The following FGD6 variants were observed in gnomAD, a reference collection of about 807,000 sequenced individuals.
FGD6 encodes FYVE, RhoGEF and PH domain containing 6.
Under a neutral mutation model 149.4 loss-of-function variants are expected in FGD6, and 90 were observed. That is an observed-to-expected ratio of 0.60 (90% confidence interval 0.51 to 0.72). The LOEUF (loss-of-function observed/expected upper bound fraction) is 0.72, where lower values mean the gene tolerates loss of function less well. Ranked by LOEUF, FGD6 falls within the 30% of genes least tolerant of loss-of-function variation. The pLI, the probability that FGD6 is intolerant of heterozygous loss-of-function variation, is 0.00. For missense variants in FGD6, 1,437 were observed against 1,684.8 expected, an observed-to-expected ratio of 0.85 and a Z score of 2.57; for synonymous variants, 527 against 584.0, an observed-to-expected ratio of 0.90 and a Z score of 1.41.
intron 1 of FGD6, among the ~76,000 whole-genome samples, chr12:95,214,755 G>C (rs1404608925): frequency 6.6e-6 from 1 of 151,950 alleles, no homozygotes; most frequent in Non-Finnish European, 1.5e-5. Context: ...CTGGCTACTG[G>C]ACCAGCCAAA....
At chr12:95,215,945 G>A (rs931447560) in intron 1 of FGD6, among the ~76,000 whole-genome samples, 2 of 152,144 alleles carry the variant, frequency 1.3e-5, no homozygotes, top group African/African-American at 4.8e-5. Context: ...TTTCTTGAAC[G>A]AAGGTAAGGC....
intron 3 of FGD6, among the ~76,000 whole-genome samples, chr12:95,161,938 G>A (rs1456651238): frequency 6.6e-6 from 1 of 152,028 alleles, no homozygotes; most frequent in African/African-American, 2.4e-5. Flanking sequence ...AATTCTGATT[G>A]TGTAGGTCTA....
At chr12:95,191,380 G>A (rs1881583689) in intron 2 of FGD6, among the ~76,000 whole-genome samples, 1 of 152,202 alleles carries the variant, frequency 6.6e-6, no homozygotes, top group African/African-American at 2.4e-5. Flanking sequence ...CTCCACACCA[G>A]TGTAATTGCT....
At chr12:95,082,260 A>G (rs1410759744) in intron 20 of FGD6, among the ~76,000 whole-genome samples, 1 of 152,100 alleles carries the variant, frequency 6.6e-6, no homozygotes, top group East Asian at 1.9e-4. Context: ...CCTTAACTCT[A>G]GCTATCAGAG....
At chr12:95,214,233 T>C (rs1227855338) in intron 1 of FGD6, among the ~76,000 whole-genome samples, 2 of 152,220 alleles carry the variant, frequency 1.3e-5, no homozygotes, top group Non-Finnish European at 2.9e-5. Context: ...ACATACTCTT[T>C]AATATGTCTC....
intron 5 of FGD6, among the ~76,000 whole-genome samples, chr12:95,149,431 G>A (rs1352147646): frequency 8.4e-6 from 1 of 119,346 alleles, no homozygotes; most frequent in African/African-American, 3.2e-5. Context: ...ATAATATATA[G>A]CATATATTAT....
At chr12:95,114,245 G>T (rs1010671261) in intron 8 of FGD6, among the ~76,000 whole-genome samples, 1 of 152,122 alleles carries the variant, frequency 6.6e-6, no homozygotes, top group Non-Finnish European at 1.5e-5. Flanking sequence ...ATCTGGCAAT[G>T]TCTGGAGACA....
At chr12:95,123,565 AT>A (rs34064127) in intron 8 of FGD6, among the ~76,000 whole-genome samples, 35,415 of 144,536 alleles carry the variant, frequency 0.25, 4,636 homozygotes, top group African/African-American at 0.36. Context: ...GTCAATATAC[AT>A]TTTTTTTTTT....
At chr12:95,095,572 GAGGA>G (rs748635626) in intron 14 of FGD6, among the ~76,000 whole-genome samples, 38 of 152,040 alleles carry the variant, frequency 2.5e-4, no homozygotes, top group Non-Finnish European at 4.7e-4. Context: ...GAGCAGAAAA[GAGGA>G]AGGGAGAGGG....
At chr12:95,175,706 A>G (rs1021808261) in intron 2 of FGD6, among the ~76,000 whole-genome samples, 1 of 150,084 alleles carries the variant, frequency 6.7e-6, no homozygotes, top group African/African-American at 2.4e-5. Context: ...AGGCTGAGGT[A>G]GGAGAATCGC....
chr12:95,157,831 T>G (rs536440769), intron 3 of FGD6, among the ~76,000 whole-genome samples: 2 of 152,268 alleles, frequency 1.3e-5, no homozygotes, highest in South Asian at 4.1e-4. Context: ...AGGTTGGATA[T>G]GTTTTACTCA....
intron 20 of FGD6, among the ~76,000 whole-genome samples, chr12:95,083,012 A>AAAAAATATATATATATAT (rs68032073): frequency 5.0e-5 from 1 of 20,038 alleles, no homozygotes; most frequent in Non-Finnish European, 8.3e-5. Flanking sequence ...AAAAAAAAAA[A>AAAAAATATATATATATAT]ATATATATAT....
chr12:95,100,320 T>C (rs1283498827), intron 14 of FGD6, among the ~76,000 whole-genome samples: 1 of 152,198 alleles, frequency 6.6e-6, no homozygotes, highest in African/African-American at 2.4e-5. Context: ...CCTTCCCTCA[T>C]AGCTCTCCAT....
In FGD6 at chr12:95,111,544, G is replaced by A. The variant is rs141768145; in HGVS notation, c.3133+2107C>T. On this transcript the variant is annotated intron_variant, in intron 9 of 20. Transcript: ENST00000343958. ...TATCCTCACGAGAGGGGCTGCCGTC[G>A]GGAATGCTCATTTTTCCTCTCACCC... Among the ~76,000 whole-genome samples, 659 of 152,066 alleles carry A rather than the reference G, an allele frequency of 4.3e-3. 7 individuals carry two copies. Among genetic ancestry groups the A allele is most frequent in the African/African-American group, 0.015 (628 of 41,486 alleles).
intron 2 of FGD6, among the ~76,000 whole-genome samples, chr12:95,201,875 A>G (rs1259419830): frequency 1.3e-5 from 2 of 152,152 alleles, no homozygotes; most frequent in African/African-American, 4.8e-5. Context: ...AGCTCTAAAA[A>G]TAATAATGCA....
chr12:95,194,345 C>G (rs982739440), intron 2 of FGD6, among the ~76,000 whole-genome samples: 19 of 152,288 alleles, frequency 1.2e-4, no homozygotes, highest in African/African-American at 4.6e-4. Context: ...AAGCGATTCT[C>G]CTGCCCCAGC....
At chr12:95,166,854 CTTTT>C (rs60585670) in intron 3 of FGD6, among the ~76,000 whole-genome samples, 20 of 107,770 alleles carry the variant, frequency 1.9e-4, no homozygotes, top group Admixed American at 1.2e-3. Flanking sequence ...GTTCTTTCTA[CTTTT>C]TTTTTTTTTT....
rs534188647 is a variant in FGD6 at position 95,148,632 on chromosome 12, T to C, written c.2685+4179A>G. On this transcript the variant is annotated intron_variant, in intron 5 of 20. Transcript: ENST00000343958. Reference sequence around the variant, plus strand: ...TATATATATTATATAATACATAGCATATGTTATATTATATATATTATATAT... The same window carrying C: ...TATATATATTATATAATACATAGCACATGTTATATTATATATATTATATAT... 4.6e-3 allele frequency among the ~76,000 whole-genome samples: 547 copies of C among 119,500 alleles called. 13 individuals are homozygous for C. Among genetic ancestry groups the C allele is most frequent in the African/African-American group, 0.013 (377 of 28,292 alleles). The allele number at this position is 119,500 out of a possible 152,430, so 78.4% of individuals were successfully genotyped here.
intron 3 of FGD6, among the ~76,000 whole-genome samples, chr12:95,162,770 A>G (rs959504418): frequency 3.3e-5 from 5 of 152,188 alleles, no homozygotes; most frequent in African/African-American, 1.2e-4. Flanking sequence ...TATACTAGCT[A>G]CTGTAGATAC....
Sources: allele counts gnomAD v4.1 joint callset (sites outside exome capture counted in the v4.1 genomes callset), GRCh38; gene constraint gnomAD v4.1.1; transcripts MANE v1.5; gene names NCBI Gene and HGNC (gene_info 2026-07-23, HGNC 2026-07-21).